NCAM2: variants seen among roughly 807,000 people sequenced by gnomAD.
NCAM2 encodes N-CAM-2.
Under a neutral mutation model 98.1 loss-of-function variants are expected in NCAM2, and 30 were observed. The observed-to-expected ratio is 0.31, with a 90% confidence interval of 0.23 to 0.41. The LOEUF is 0.41. Ranked by LOEUF, NCAM2 falls within the 10% of genes least tolerant of loss-of-function variation. The pLI, the probability that NCAM2 is intolerant of heterozygous loss-of-function variation, is 1.00. For synonymous variants in NCAM2, 368 were observed against 342.4 expected, an observed-to-expected ratio of 1.07 and a Z score of -0.83; for missense variants, 867 against 1,005.8, an observed-to-expected ratio of 0.86 and a Z score of 1.87.
At chr21:21,304,872 A>G (rs1406824503) in intron 5 of NCAM2, among the ~76,000 whole-genome samples, 1 of 152,152 alleles carries the variant, frequency 6.6e-6, no homozygotes, top group Non-Finnish European at 1.5e-5. Context: ...TAATTATTCC[A>G]TATATTTTGA....
chr21:21,081,831 T>A (rs1192596101), intron 1 of NCAM2, among the ~76,000 whole-genome samples: 1 of 149,522 alleles, frequency 6.7e-6, no homozygotes, highest in African/African-American at 2.5e-5. Flanking sequence ...AAAAAAAAAT[T>A]ATCTCATGCC....
chr21:21,334,064 C>T (rs1019756239), intron 6 of NCAM2, among the ~76,000 whole-genome samples: 1 of 151,910 alleles, frequency 6.6e-6, no homozygotes, highest in Non-Finnish European at 1.5e-5. Context: ...TTCGGAGTAG[C>T]TGGGATTACA....
At chr21:21,149,810 A>G (rs564958488) in intron 1 of NCAM2, among the ~76,000 whole-genome samples, 5 of 152,074 alleles carry the variant, frequency 3.3e-5, no homozygotes, top group Middle Eastern at 3.2e-3. Flanking sequence ...TATCCTGTCT[A>G]TCATTGATGG....
intron 16 of NCAM2, among the ~76,000 whole-genome samples, chr21:21,523,819 A>G (rs1365722925): frequency 6.6e-6 from 1 of 152,106 alleles, no homozygotes; most frequent in Non-Finnish European, 1.5e-5. Flanking sequence ...ATTAAATCAT[A>G]TAAAATGCTC....
intron 12 of NCAM2, among the ~76,000 whole-genome samples, chr21:21,436,909 GCAC>G (rs1325209192): frequency 6.6e-6 from 1 of 150,832 alleles, no homozygotes; most frequent in Admixed American, 6.6e-5. Flanking sequence ...TTACAGGTGT[GCAC>G]CACCACACCT....
At chr21:21,251,921 A>T (rs187926433) in intron 1 of NCAM2, among the ~76,000 whole-genome samples, 19 of 152,150 alleles carry the variant, frequency 1.2e-4, no homozygotes, top group African/African-American at 4.6e-4. Context: ...CTGTTTGTCA[A>T]TTTTGGCTTT....
At chr21:21,023,790 T>G (rs1260347713) in intron 1 of NCAM2, among the ~76,000 whole-genome samples, 1 of 152,142 alleles carries the variant, frequency 6.6e-6, no homozygotes, top group African/African-American at 2.4e-5. Context: ...GAAAGGAGCA[T>G]TATTGTTTAG....
chr21:21,206,936 C>T (rs1474575998), intron 1 of NCAM2, among the ~76,000 whole-genome samples: 1 of 151,894 alleles, frequency 6.6e-6, no homozygotes, highest in Non-Finnish European at 1.5e-5. Flanking sequence ...AAATAATTTG[C>T]CCATGGGTGA....
At chr21:21,111,669 A>G (rs17003811) in intron 1 of NCAM2, among the ~76,000 whole-genome samples, 6,150 of 152,300 alleles carry the variant, frequency 0.04, 299 homozygotes, top group East Asian at 0.17. Context: ...GATGCTTGGT[A>G]GATTTGGTGG....
intron 1 of NCAM2, among the ~76,000 whole-genome samples, chr21:21,178,429 T>G (rs75620017): frequency 0.031 from 4,700 of 152,212 alleles, 229 homozygotes; most frequent in African/African-American, 0.11. Context: ...CTTCATATTT[T>G]CCTCTACAAT....
At chr21:21,308,753 G>C (rs574641604) in intron 5 of NCAM2, among the ~76,000 whole-genome samples, 1 of 152,224 alleles carries the variant, frequency 6.6e-6, no homozygotes, top group Admixed American at 6.5e-5. Context: ...TAGGCTACTT[G>C]AATGTTCCAA....
intron 1 of NCAM2, among the ~76,000 whole-genome samples, chr21:21,188,394 A>G (rs191972760): frequency 3.9e-4 from 59 of 152,298 alleles, no homozygotes; most frequent in Admixed American, 2.8e-3. Flanking sequence ...GTATAATTAC[A>G]TATCCGTGAA....
intron 2 of NCAM2, 21 bp downstream of exon 2, chr21:21,280,673 CT>C: frequency 7.0e-7 from 1 of 1,420,540 alleles, no homozygotes. Flanking sequence ...CTGTAAATAC[CT>C]TCAGATAACG....
At chr21:21,217,473 A>C (rs2069952077) in intron 1 of NCAM2, among the ~76,000 whole-genome samples, 1 of 152,104 alleles carries the variant, frequency 6.6e-6, no homozygotes, top group South Asian at 2.1e-4. Flanking sequence ...CAGAAGTGAA[A>C]GTTTGAAAGG....
chr21:21,474,713 C>T (rs1041383859), intron 14 of NCAM2, among the ~76,000 whole-genome samples: 1 of 152,108 alleles, frequency 6.6e-6, no homozygotes, highest in Non-Finnish European at 1.5e-5. Context: ...TCTGCTGCCT[C>T]ATGGATCCCT....
chr21:21,089,441 A>G (rs748896133), intron 1 of NCAM2, among the ~76,000 whole-genome samples: 1 of 152,212 alleles, frequency 6.6e-6, no homozygotes, highest in Non-Finnish European at 1.5e-5. Flanking sequence ...CACAATACAA[A>G]AAATCAAATT....
At chr21:21,433,596 A>G (rs929265208) in intron 12 of NCAM2, among the ~76,000 whole-genome samples, 1 of 151,442 alleles carries the variant, frequency 6.6e-6, no homozygotes, top group Non-Finnish European at 1.5e-5. Context: ...AAAAAAAATT[A>G]GACGGATGTG....
At chr21:21,281,603 A>G (rs1281518422) in intron 2 of NCAM2, among the ~76,000 whole-genome samples, 1 of 152,102 alleles carries the variant, frequency 6.6e-6, no homozygotes, top group African/African-American at 2.4e-5. Flanking sequence ...TAGAACTGAC[A>G]AATGAATGCA....
At chr21:21,331,012 C>T (rs1190182468) in intron 6 of NCAM2, among the ~76,000 whole-genome samples, 4 of 151,936 alleles carry the variant, frequency 2.6e-5, no homozygotes, top group Non-Finnish European at 5.9e-5. Flanking sequence ...TCCTCCATGC[C>T]TCTCTTACCA....
Sources: gnomAD v4.1 joint callset for allele counts (sites outside exome capture counted in the v4.1 genomes callset) on GRCh38, gnomAD v4.1.1 for gene constraint, MANE v1.5 for transcripts, NCBI Gene and HGNC (gene_info 2026-07-23, HGNC 2026-07-21) for gene names.